The following TMEM163 variants were observed in gnomAD, a reference collection of about 807,000 sequenced individuals.
TMEM163 encodes transmembrane protein 163.
Under a neutral mutation model 29.3 loss-of-function variants are expected in TMEM163, and 17 were observed. That is an observed-to-expected ratio of 0.58 (90% CI 0.40 to 0.87). The LOEUF is 0.87. Ranked by LOEUF, TMEM163 falls within the 40% of genes least tolerant of loss-of-function variation. The pLI, the probability that TMEM163 is intolerant of heterozygous loss-of-function variation, is 0.00. For synonymous variants in TMEM163, 157 were observed against 160.6 expected (o/e 0.98, Z 0.17); for missense variants, 303 against 381.5 (o/e 0.79, Z 1.71).
chr2:134,693,957 T>C (rs1684528543), intron 2 of TMEM163, among the ~76,000 whole-genome samples: 1 of 152,106 alleles, frequency 6.6e-6, no homozygotes, highest in Non-Finnish European at 1.5e-5. Flanking sequence ...ATGGGTCCCA[T>C]GGTTGAGAGT....
chr2:134,683,663 A>G (rs1451763111), intron 2 of TMEM163, among the ~76,000 whole-genome samples: 1 of 152,188 alleles, frequency 6.6e-6, no homozygotes, highest in Non-Finnish European at 1.5e-5. Context: ...GGCCTTACTC[A>G]TTCCTCTGTC....
chr2:134,464,867 C>T (rs12987521), intron 6 of TMEM163, among the ~76,000 whole-genome samples: 1 of 152,162 alleles, frequency 6.6e-6, no homozygotes, highest in Admixed American at 6.5e-5. Flanking sequence ...ATGTCCCTGC[C>T]CACTGTGCAA....
chr2:134,697,463 ATTT>A (rs3039626), intron 2 of TMEM163, among the ~76,000 whole-genome samples: 7 of 133,742 alleles, frequency 5.2e-5, no homozygotes, highest in Admixed American at 7.6e-5. Context: ...TTTCTTCTCA[ATTT>A]TTTTTTTTTT....
intron 2 of TMEM163, among the ~76,000 whole-genome samples, chr2:134,640,635 A>T (rs1683203074): frequency 6.6e-6 from 1 of 152,100 alleles, no homozygotes; most frequent in Non-Finnish European, 1.5e-5. Context: ...CTAGCCTCCA[A>T]CCCACGGGAA....
chr2:134,684,235 T>A (rs150779846), intron 2 of TMEM163, among the ~76,000 whole-genome samples: 79 of 152,248 alleles, frequency 5.2e-4, no homozygotes, highest in Non-Finnish European at 9.3e-4. Flanking sequence ...AATGTTGAAG[T>A]GAGCACCTTC....
At chr2:134,589,442 C>A (rs1458334059) in intron 2 of TMEM163, among the ~76,000 whole-genome samples, 1 of 152,166 alleles carries the variant, frequency 6.6e-6, no homozygotes, top group Non-Finnish European at 1.5e-5. Context: ...CTACCAAAAC[C>A]AAGAAGGCGA....
intron 2 of TMEM163, among the ~76,000 whole-genome samples, chr2:134,692,681 C>T (rs1684497026): frequency 6.6e-6 from 1 of 152,094 alleles, no homozygotes; most frequent in Non-Finnish European, 1.5e-5. Flanking sequence ...GAAGCAAGCC[C>T]TCTGGTGTCT....
intron 2 of TMEM163, among the ~76,000 whole-genome samples, chr2:134,693,012 G>A (rs1684504534): frequency 1.3e-5 from 2 of 151,958 alleles, no homozygotes; most frequent in African/African-American, 4.8e-5. Flanking sequence ...ATCATCAGTT[G>A]TCTCCTTCCC....
rs752459816 is a variant in TMEM163 at position 134,456,739 on chromosome 2, G to T, written c.847C>A (p.Arg283Ser). ...CTTCACTCAAACATCTCGTAGTGAC[G>T]TGTCTGCCTCACCCTCGGCACCATG... ...IDMVPRVRQT[R>S]HYEMFE Residue 283 changes from arginine (R) to serine (S), a missense_variant, in exon 8 of 8, where the codon CGT becomes AGT. Physicochemically the swap from Arg to Ser is moderately radical, Grantham distance 110. Transcript: ENST00000281924. The T allele has an allele frequency of 1.2e-6, 2 of 1,613,764 alleles. No individual in the cohort carries two copies. Among genetic ancestry groups the T allele is most frequent in the South Asian group, 1.1e-5 (1 of 91,022 alleles).
chr2:134,508,643 A>AC (rs1679879516), intron 4 of TMEM163, among the ~76,000 whole-genome samples: 1 of 151,480 alleles, frequency 6.6e-6, no homozygotes, highest in Admixed American at 6.6e-5. Context: ...TTAAGACTCC[A>AC]CCCCTCCCTC....
chr2:134,622,419 C>T (rs1316578673), intron 2 of TMEM163, among the ~76,000 whole-genome samples: 1 of 152,092 alleles, frequency 6.6e-6, no homozygotes, highest in Admixed American at 6.6e-5. Flanking sequence ...TGAAATATGC[C>T]AAGAATTTTT....
At chr2:134,511,114 T>A (rs1679935634) in intron 4 of TMEM163, among the ~76,000 whole-genome samples, 1 of 135,534 alleles carries the variant, frequency 7.4e-6, no homozygotes, top group East Asian at 2.6e-4. Context: ...CCCTGTACAT[T>A]ATATACAGAG....
intron 2 of TMEM163, among the ~76,000 whole-genome samples, chr2:134,624,540 A>G (rs1045161386): frequency 4.6e-5 from 7 of 152,174 alleles, no homozygotes; most frequent in African/African-American, 1.7e-4. Context: ...ATTCTGTACA[A>G]CAAACCCCCA....
rs554054245 is a variant in TMEM163, at chr2:134,509,068, T to G, written c.459-6071A>C. 2.6e-5 allele frequency among the ~76,000 whole-genome samples: 4 copies of G among 152,258 alleles called. No individual in the cohort carries two copies. In the East Asian group the frequency reaches 7.7e-4, roughly 29 times the overall value. ...TAGGACTTTATTTCTGGCATCTACT[T>G]TAGGGACAAAAGTCAGCATGAGGAA... On this transcript the variant is annotated intron_variant, in intron 4 of 7. Transcript: ENST00000281924.
intron 4 of TMEM163, among the ~76,000 whole-genome samples, chr2:134,516,610 T>A (rs1419051246): frequency 1.3e-5 from 2 of 148,350 alleles, no homozygotes; most frequent in African/African-American, 2.5e-5. Flanking sequence ...TATATGTTCA[T>A]AAATATTCAT....
chr2:134,470,382 G>A (rs570797497), intron 5 of TMEM163, among the ~76,000 whole-genome samples: 111 of 151,658 alleles, frequency 7.3e-4, no homozygotes, highest in Non-Finnish European at 8.0e-4. Context: ...AACTTCATAC[G>A]GATGTGTCAT....
intron 2 of TMEM163, among the ~76,000 whole-genome samples, chr2:134,590,257 A>T (rs1452468553): frequency 6.6e-6 from 1 of 152,138 alleles, no homozygotes; most frequent in Non-Finnish European, 1.5e-5. Flanking sequence ...CTAGATCACA[A>T]AGCCAGTCGG....
chr2:134,671,167 A>C (rs1025684670), intron 2 of TMEM163, among the ~76,000 whole-genome samples: 4 of 152,186 alleles, frequency 2.6e-5, no homozygotes, highest in Non-Finnish European at 5.9e-5. Flanking sequence ...AAGAGCAAAT[A>C]AGGCAAAGAC....
Position 134,697,316 on chromosome 2 carries a change from A to G in TMEM163, c.322+15884T>C, listed in dbSNP as rs369294286. ...CTTCATTTTAGATTTTTATGGGCTGAGTCTGCCTAATTTACCAGTTACAAT... is the reference window on the plus strand; with the variant it reads ...CTTCATTTTAGATTTTTATGGGCTGGGTCTGCCTAATTTACCAGTTACAAT... On this transcript the variant is annotated intron_variant, in intron 2 of 7. Transcript: ENST00000281924. 2.0e-5 allele frequency among the ~76,000 whole-genome samples: 3 copies of G among 152,292 alleles called. No homozygotes were observed. The East Asian group carries it at 5.8e-4, about 29-fold the overall frequency.
Sources: gnomAD v4.1 joint callset for allele counts (sites outside exome capture counted in the v4.1 genomes callset) on GRCh38, gnomAD v4.1.1 for gene constraint, MANE v1.5 for transcripts, NCBI Gene and HGNC (gene_info 2026-07-23, HGNC 2026-07-21) for gene names.